NUP85: variants seen among roughly 807,000 people sequenced by gnomAD.
NUP85 encodes nucleoporin 85, also known as nuclear pore complex protein Nup85.
Under a neutral mutation model 92.8 loss-of-function variants are expected in NUP85, and 23 were observed. That is an observed-to-expected ratio of 0.25 (90% CI 0.18 to 0.35). NUP85 has a LOEUF of 0.35. Ranked by LOEUF, NUP85 falls within the 10% of genes least tolerant of loss-of-function variation. The pLI is 1.00. For missense variants in NUP85, 759 were observed against 822.8 expected (o/e 0.92, Z 0.95); for synonymous variants, 314 against 306.9 (o/e 1.02, Z -0.24).
chr17:75,232,063 C>T, intron 14 of NUP85, 84 bp downstream of exon 14: 1 of 1,440,548 alleles, frequency 6.9e-7, no homozygotes, highest in Non-Finnish European at 9.5e-7. Context: ...CCTACCCCAG[C>T]CATCCTCCTC....
intron 11 of NUP85, chr17:75,229,255 AACCTCAC>A (rs375280529): frequency 1.5e-6 from 1 of 675,660 alleles, no homozygotes; most frequent in Middle Eastern, 7.4e-4. Flanking sequence ...AGTGTTTACA[AACCTCAC>A]ACCCCATTTC....
chr17:75,226,085 G>C lies in NUP85; in HGVS notation c.1022G>C (p.Ser341Thr), dbSNP rs1480791401. The C allele has an allele frequency of 6.2e-7, 1 of 1,614,150 alleles. No individual in the cohort carries two copies. Residue 341 changes from serine (S) to threonine (T), a missense_variant, in exon 11 of 19, where the codon AGC becomes ACC. Physicochemically the swap from Ser to Thr is moderately conservative, Grantham distance 58. Transcript: ENST00000245544. The stretch of plus-strand genomic sequence containing the variant: ...GACCTGTTTCTGGGAGGTGAGAGCA[G>C]CCCAGAACCCCTGGACAACATCTTG... ...SLDLFLGGES[S>T]PEPLDNILLA...
chr17:75,223,075 A>G (rs185697937), intron 7 of NUP85, among the ~76,000 whole-genome samples: 168 of 151,922 alleles, frequency 1.1e-3, no homozygotes, highest in Non-Finnish European at 1.9e-3. Flanking sequence ...ACAGCACTAT[A>G]ATTCGTGTCT....
Position 75,230,443 on chromosome 17 carries a change from C to T in NUP85, c.1095-897C>T, listed in dbSNP as rs569308164. ...GGCGCGATCTCGTCTCACTGCAAGC[C>T]CCGCCTCCTAGGTTCACGCCATTCT... On this transcript the variant is annotated intron_variant, in intron 11 of 18. Transcript: ENST00000245544. Among the ~76,000 whole-genome samples, 66 of 151,218 alleles carry T rather than the reference C, an allele frequency of 4.4e-4. 1 individual carries two copies. The highest frequency in any genetic ancestry group is 3.4e-3 in the Middle Eastern group (1 of 290).
chr17:75,232,315 A>G (rs1444232305), intron 14 of NUP85, among the ~76,000 whole-genome samples: 2 of 152,170 alleles, frequency 1.3e-5, no homozygotes, highest in African/African-American at 4.8e-5. Flanking sequence ...GCCTGGCTCA[A>G]TGGGGAAGCA....
At chr17:75,215,863 C>A in intron 6 of NUP85, 40 bp downstream of exon 6, 1 of 1,517,832 alleles carries the variant, frequency 6.6e-7, no homozygotes, top group South Asian at 1.1e-5. Flanking sequence ...ATAGGTGTCC[C>A]CTTCCATCTT....
intron 6 of NUP85, among the ~76,000 whole-genome samples, chr17:75,217,922 G>T (rs1358451818): frequency 1.3e-5 from 2 of 152,178 alleles, no homozygotes; most frequent in African/African-American, 4.8e-5. Flanking sequence ...TGGAGTGTGG[G>T]GTAGTGAGGT....
rs747358067 is a variant in NUP85 at position 75,235,220 on chromosome 17, T to A, written c.1869+19T>A. On this transcript the variant is annotated intron_variant, in intron 18 of 18. Transcript: ENST00000245544. The stretch of plus-strand genomic sequence containing the variant: ...GCTCCAGGTCATTTTCACTTTTGGG[T>A]TGATGGTTCCACATGGAGGTGGGAA... 12 of 1,589,388 alleles carry A rather than the reference T, an allele frequency of 7.6e-6. No homozygotes were observed. The highest frequency in any genetic ancestry group is 1.0e-5 in the Non-Finnish European group (12 of 1,161,214).
intron 4 of NUP85, among the ~76,000 whole-genome samples, chr17:75,212,297 G>A (rs1247032074): frequency 9.5e-6 from 1 of 105,696 alleles, no homozygotes; most frequent in Non-Finnish European, 1.7e-5. Context: ...GAGACCGAGT[G>A]TTGCTCTGTC....
intron 4 of NUP85, 23 bp downstream of exon 4, chr17:75,212,085 C>CGT (rs569791426): frequency 3.9e-4 from 546 of 1,394,366 alleles, no homozygotes; most frequent in South Asian, 5.9e-4. Flanking sequence ...TGCGCGTGCG[C>CGT]GCGTGTGTGT....
chr17:75,231,650 C>T lies in NUP85; in HGVS notation c.1244+12C>T, dbSNP rs761130285. The T allele has an allele frequency of 6.2e-7, 1 of 1,613,674 alleles. No homozygotes were observed. The highest frequency in any genetic ancestry group is 1.3e-5 in the African/African-American group (1 of 74,898). ...TTTGCTCATCCCAGGTAGGAAGGAC[C>T]CCATGGGTGTGGGCTATGCGGGTGC... On this transcript the variant is annotated intron_variant, in intron 13 of 18. Transcript: ENST00000245544. The surrounding 1 kb of genome is among the most constrained non-coding windows in gnomAD (Gnocchi z 4.6).
chr17:75,228,352 C>T (rs1259279579), intron 11 of NUP85: 1 of 985,280 alleles, frequency 1.0e-6, no homozygotes, highest in Admixed American at 6.2e-5. Context: ...CAGCCTCTCT[C>T]CACTCTCACA....
At position 75,234,774 on chromosome 17, in the gene NUP85, T is replaced by C. The variant is rs775703648; in HGVS notation, c.1753T>C (p.Leu585=). 3 of 1,614,044 alleles carry C rather than the reference T, an allele frequency of 1.9e-6. No individual in the cohort carries two copies. Among genetic ancestry groups the C allele is most frequent in the Non-Finnish European group, 1.7e-6 (2 of 1,180,038 alleles). Residue 585 remains leucine (L), a synonymous_variant, in exon 17 of 19, where the codon TTG becomes CTG. Coordinates refer to ENST00000245544, the MANE Select transcript of NUP85 (RefSeq NM_024844.5). ...MTLLTDALPL[L]EQKQVIFSAE... ...TCTGCTGACAGACGCCTTGCCCCTT[T>C]TGGAACAGAAACAGGTGAAGGTTGC...
At chr17:75,221,460 T>A (rs747355979) in intron 7 of NUP85, among the ~76,000 whole-genome samples, 5 of 152,100 alleles carry the variant, frequency 3.3e-5, no homozygotes, top group Admixed American at 1.3e-4. Context: ...TTTTTTGAAC[T>A]CCTGGCCTCA....
intron 4 of NUP85, 111 bp from the exon 5 acceptor site, chr17:75,212,965 T>G (rs1198126813): frequency 3.8e-6 from 4 of 1,045,182 alleles, no homozygotes; most frequent in Non-Finnish European, 4.2e-6. Flanking sequence ...TGTCTTTTAA[T>G]TTTTCTCATT....
In NUP85 at chr17:75,208,704, G is replaced by A. The variant is rs146714173; in HGVS notation, c.127+84G>A. 432 of 775,268 alleles carry A rather than the reference G, an allele frequency of 5.6e-4. 1 individual carries two copies. The highest frequency in any genetic ancestry group is 7.7e-4 in the Non-Finnish European group (338 of 436,212). 48.0% of individuals were successfully genotyped at this position (775,268 alleles called of 1,614,324 possible). ...ATTACCTCAGATTTTACTAGTTGTG[G>A]ACTGAAACAGTTGAATTTATTTTGT... On this transcript the variant is annotated intron_variant, in intron 2 of 18. Transcript: ENST00000245544.
rs562133504 is a variant in NUP85, at chr17:75,228,679, G to C, written c.1094+2522G>C. On this transcript the variant is annotated intron_variant, in intron 11 of 18. Transcript: ENST00000245544. ...ACTTGAGCCAGTGAGCTGTTGGCATGCCTTTTTAAAGGCATTAGAAAAAAG... is the reference window on the plus strand; with the variant it reads ...ACTTGAGCCAGTGAGCTGTTGGCATCCCTTTTTAAAGGCATTAGAAAAAAG... 8 of 985,410 alleles carry C rather than the reference G, an allele frequency of 8.1e-6. No individual in the cohort carries two copies. In the South Asian group the frequency reaches 1.9e-4, roughly 23 times the overall value. 61.0% of individuals were successfully genotyped at this position (985,410 alleles called of 1,614,324 possible). A position where few individuals can be genotyped will look rare whatever the true frequency, so the allele number is the denominator to read the frequency against.
rs773324515 is a variant in NUP85 at position 75,232,912 on chromosome 17, C to G, written c.1458C>G (p.Ala486=). The G allele has an allele frequency of 1.2e-6, 2 of 1,614,060 alleles. No individual in the cohort carries two copies. Among genetic ancestry groups the G allele is most frequent in the Non-Finnish European group, 1.7e-6 (2 of 1,180,040 alleles). ...KAVRNNRLGS[A]LSWSIRAKDA... is the part of the protein sequence containing the mutation. ...TCCGCAACAATCGCCTGGGTTCTGC[C>G]CTCTCTTGGAGCATCCGTGCTAAGG... The change falls in exon 15 of 19, where the codon GCC becomes GCG. Residue 486 remains alanine (A), a synonymous_variant. Transcript: ENST00000245544.
intron 7 of NUP85, among the ~76,000 whole-genome samples, chr17:75,224,494 G>C (rs532988146): frequency 1.3e-5 from 2 of 152,144 alleles, no homozygotes; most frequent in East Asian, 1.9e-4. Flanking sequence ...GAGAAGGGGT[G>C]GGGGGAAGCA....
Sources: gnomAD v4.1 joint callset for allele counts (sites outside exome capture counted in the v4.1 genomes callset) on GRCh38, gnomAD v4.1.1 for gene constraint, Gnocchi (gnomAD v3.1) non-coding constraint, MANE v1.5 for transcripts, NCBI Gene and HGNC (gene_info 2026-07-23, HGNC 2026-07-21) for gene names.